MEMO1: variants seen among roughly 807,000 people sequenced by gnomAD.
MEMO1 encodes the protein mediator of cell motility 1.
In MEMO1, 6 loss-of-function variants were observed where a neutral mutation model predicts 45.2. The observed-to-expected ratio is 0.13, with a 90% CI of 0.07 to 0.26. The LOEUF (loss-of-function observed/expected upper bound fraction) is 0.26. Ranked by LOEUF, MEMO1 falls within the 10% of genes least tolerant of loss-of-function variation. MEMO1 has a pLI of 1.00. For synonymous variants in MEMO1, 78 were observed against 124.3 expected (o/e 0.63, Z 2.48); for missense variants, 184 against 370.5 (o/e 0.50, Z 4.13).
At chr2:31,919,945 T>C (rs1342237822) in intron 5 of MEMO1, among the ~76,000 whole-genome samples, 2 of 66,218 alleles carry the variant, frequency 3.0e-5, no homozygotes, top group Admixed American at 2.0e-4. Context: ...CACACACACA[T>C]ACACGTGTGT....
intron 3 of MEMO1, among the ~76,000 whole-genome samples, chr2:31,940,357 A>G (rs1439261815): frequency 6.6e-6 from 1 of 152,132 alleles, no homozygotes; most frequent in Non-Finnish European, 1.5e-5. Context: ...CTCCATTTGG[A>G]TATCTAATAA....
intron 6 of MEMO1, among the ~76,000 whole-genome samples, chr2:31,897,132 G>A (rs1312211456): frequency 2.0e-5 from 3 of 152,182 alleles, no homozygotes; most frequent in African/African-American, 7.2e-5. Flanking sequence ...CTGAGACAAT[G>A]GGATTTTCTA....
chr2:31,967,070 G>C (rs111756988), intron 2 of MEMO1, among the ~76,000 whole-genome samples: 1 of 151,428 alleles, frequency 6.6e-6, no homozygotes, highest in African/African-American at 2.4e-5. Flanking sequence ...AAAAATTGCT[G>C]TGTGAGAAAT....
intron 8 of MEMO1, among the ~76,000 whole-genome samples, chr2:31,878,035 T>C (rs937969273): frequency 1.3e-5 from 2 of 152,130 alleles, no homozygotes; most frequent in African/African-American, 4.8e-5. Context: ...GAAGAAAAAG[T>C]GGAACAGGGT....
chr2:31,892,366 T>C (rs536598808), intron 6 of MEMO1, among the ~76,000 whole-genome samples: 1 of 152,196 alleles, frequency 6.6e-6, no homozygotes, highest in African/African-American at 2.4e-5. Flanking sequence ...ACTACAGAAA[T>C]ATATACTACC....
chr2:31,874,604 T>G (rs912943632), intron 8 of MEMO1, among the ~76,000 whole-genome samples: 1 of 152,040 alleles, frequency 6.6e-6, no homozygotes, highest in Non-Finnish European at 1.5e-5. Flanking sequence ...GGACCAAAAC[T>G]TAATTAACAT....
chr2:31,958,492 CT>C (rs1260493614), intron 2 of MEMO1, among the ~76,000 whole-genome samples: 1 of 152,042 alleles, frequency 6.6e-6, no homozygotes, highest in Admixed American at 6.5e-5. Context: ...ATGGCACCTT[CT>C]TTTCAACCAC....
intron 2 of MEMO1, among the ~76,000 whole-genome samples, chr2:31,999,882 A>ATTT (rs5830219): frequency 2.4e-5 from 3 of 123,118 alleles, no homozygotes; most frequent in Admixed American, 8.4e-5. Context: ...TGCATCAGGC[A>ATTT]TTTTTTTTTT....
intron 2 of MEMO1, among the ~76,000 whole-genome samples, chr2:31,957,989 A>G (rs1256840863): frequency 6.6e-6 from 1 of 152,212 alleles, no homozygotes; most frequent in East Asian, 1.9e-4. Flanking sequence ...AAGATGCACA[A>G]AAAAGAATCC....
At chr2:31,939,308 C>G (rs188510343) in intron 3 of MEMO1, among the ~76,000 whole-genome samples, 1 of 152,050 alleles carries the variant, frequency 6.6e-6, no homozygotes, top group East Asian at 1.9e-4. Flanking sequence ...ATTTATTATA[C>G]GTTATATACA....
At chr2:31,907,592 C>T (rs189462614) in intron 6 of MEMO1, among the ~76,000 whole-genome samples, 69 of 152,152 alleles carry the variant, frequency 4.5e-4, no homozygotes, top group African/African-American at 1.5e-3. Flanking sequence ...CCCAGGAGTT[C>T]AAGATCAGCC....
chr2:31,897,913 G>C (rs1020256514), intron 6 of MEMO1, among the ~76,000 whole-genome samples: 1 of 151,892 alleles, frequency 6.6e-6, no homozygotes, highest in African/African-American at 2.4e-5. Flanking sequence ...GGTCTTTTCA[G>C]GGATTTGACT....
At chr2:31,912,623 T>C (rs1309699659) in intron 6 of MEMO1, among the ~76,000 whole-genome samples, 6 of 151,972 alleles carry the variant, frequency 3.9e-5, no homozygotes. Flanking sequence ...GAAAAAAACT[T>C]TTTAATATAT....
At chr2:31,901,970 T>TAA (rs71405596) in intron 6 of MEMO1, among the ~76,000 whole-genome samples, 3 of 150,566 alleles carry the variant, frequency 2.0e-5, no homozygotes. Flanking sequence ...GTAGATTTAC[T>TAA]AAAAAAAAAC....
intron 4 of MEMO1, among the ~76,000 whole-genome samples, chr2:31,930,012 C>G (rs1369718096): frequency 6.6e-6 from 1 of 152,228 alleles, no homozygotes; most frequent in Non-Finnish European, 1.5e-5. Context: ...GTAATCCCAG[C>G]ACTTTGGGAG....
chr2:31,988,612 A>G (rs1671565190), intron 2 of MEMO1, among the ~76,000 whole-genome samples: 1 of 152,248 alleles, frequency 6.6e-6, no homozygotes, highest in South Asian at 2.1e-4. Context: ...TAGCAGTAGC[A>G]CCGAACTACA....
At chr2:31,970,830 C>T (rs772908069) in intron 2 of MEMO1, among the ~76,000 whole-genome samples, 4 of 151,986 alleles carry the variant, frequency 2.6e-5, no homozygotes, top group Non-Finnish European at 4.4e-5. Flanking sequence ...GTGGTGAAAC[C>T]CCGTCTCTAC....
At chr2:31,982,494 G>A (rs765595303) in intron 2 of MEMO1, among the ~76,000 whole-genome samples, 10 of 149,406 alleles carry the variant, frequency 6.7e-5, no homozygotes, top group Non-Finnish European at 1.5e-4. Flanking sequence ...GGAGGCTGGG[G>A]CAGGAGAATC....
At chr2:31,994,086 G>A (rs541723603) in intron 2 of MEMO1, among the ~76,000 whole-genome samples, 21 of 141,916 alleles carry the variant, frequency 1.5e-4, no homozygotes, top group African/African-American at 3.4e-4. Context: ...TCAGCCCCCC[G>A]AGCAGCTGGG....
Sources: gnomAD v4.1 joint callset for allele counts (sites outside exome capture counted in the v4.1 genomes callset) on GRCh38, gnomAD v4.1.1 for gene constraint, MANE v1.5 for transcripts, NCBI Gene and HGNC (gene_info 2026-07-23, HGNC 2026-07-21) for gene names.